Variants in DCHS2 observed in about 807,000 individuals in gnomAD.
DCHS2 encodes protocadherin-23.
DCHS2 carries 142 observed loss-of-function variants against 182.4 expected under a neutral mutation model. The ratio of observed to expected loss-of-function variants is 0.78; its 90% CI spans 0.68 to 0.89. DCHS2 has a LOEUF of 0.89. Ranked by LOEUF, DCHS2 falls within the 40% of genes least tolerant of loss-of-function variation. The probability of loss-of-function intolerance (pLI) is 0.00; values close to 1 mark genes in which losing one functional copy is unlikely to be tolerated. For missense variants in DCHS2, 4,319 were observed against 4,198.6 expected, an observed-to-expected ratio of 1.03 and a Z score of -0.79; for synonymous variants, 1,740 against 1,663.3, an observed-to-expected ratio of 1.05 and a Z score of -1.12.
At chr4:154,241,738 A>G (rs1731836334) in intron 17 of DCHS2, among the ~76,000 whole-genome samples, 1 of 152,194 alleles carries the variant, frequency 6.6e-6, no homozygotes, top group African/African-American at 2.4e-5. Flanking sequence ...TTTAACACTA[A>G]TTGCATGTGC....
In DCHS2 at chr4:154,290,835, C is replaced by T. The variant is rs116432941; in HGVS notation, c.6463+7016G>A. On this transcript the variant is annotated intron_variant, in intron 13 of 19. Coordinates refer to ENST00000357232, the MANE Select transcript of DCHS2 (RefSeq NM_001358235.2). ...CTTAAGACCTCAAACTATAAAACTGCTAAAAGAAAACATTGGGGAAACGCT... is the reference window on the plus strand; with the variant it reads ...CTTAAGACCTCAAACTATAAAACTGTTAAAAGAAAACATTGGGGAAACGCT... 2.7e-3 allele frequency among the ~76,000 whole-genome samples: 409 copies of T among 152,114 alleles called. 2 individuals are homozygous for T. Among genetic ancestry groups the T allele is most frequent in the African/African-American group, 9.3e-3 (387 of 41,532 alleles).
At chr4:154,240,463 C>T (rs867070403) in intron 18 of DCHS2, 74 bp downstream of exon 18, 49 of 1,523,658 alleles carry the variant, frequency 3.2e-5, no homozygotes, top group Non-Finnish European at 3.9e-5. Context: ...AGTCTATCGG[C>T]GATGGAAGAC....
At chr4:154,255,776 A>AT in intron 15 of DCHS2, 106 bp from the exon 16 acceptor site, 1 of 1,403,104 alleles carries the variant, frequency 7.1e-7, no homozygotes, top group Non-Finnish European at 9.3e-7. Context: ...TGTCAAACAT[A>AT]TTTTAAAAAC....
At chr4:154,339,168 G>A (rs1728947629) in intron 3 of DCHS2, among the ~76,000 whole-genome samples, 1 of 151,032 alleles carries the variant, frequency 6.6e-6, no homozygotes, top group Non-Finnish European at 1.5e-5. Flanking sequence ...AGGGTCTGAT[G>A]GCCTGAGAGC....
At chr4:154,385,836 C>T (rs1391572115) in intron 1 of DCHS2, among the ~76,000 whole-genome samples, 1 of 152,032 alleles carries the variant, frequency 6.6e-6, no homozygotes, top group Non-Finnish European at 1.5e-5. Context: ...TAATTTGTTA[C>T]TGCAGCCCTA....
At chr4:154,301,396 A>G (rs1033148515) in intron 12 of DCHS2, among the ~76,000 whole-genome samples, 1 of 152,244 alleles carries the variant, frequency 6.6e-6, no homozygotes, top group African/African-American at 2.4e-5. Context: ...TCCATTTTTA[A>G]AAAGGTGAGC....
chr4:154,373,301 A>G (rs1225037726), intron 2 of DCHS2, among the ~76,000 whole-genome samples: 1 of 152,330 alleles, frequency 6.6e-6, no homozygotes, highest in East Asian at 1.9e-4. Context: ...AATATTGCAA[A>G]GAATAATTAT....
intron 1 of DCHS2, among the ~76,000 whole-genome samples, chr4:154,481,708 A>C (rs1012698609): frequency 6.6e-6 from 1 of 152,244 alleles, no homozygotes; most frequent in African/African-American, 2.4e-5. Flanking sequence ...TCGCCACAAT[A>C]ACCCTACCAG....
intron 1 of DCHS2, among the ~76,000 whole-genome samples, chr4:154,381,984 C>T (rs1365061955): frequency 1.3e-5 from 2 of 152,058 alleles, no homozygotes; most frequent in Non-Finnish European, 2.9e-5. Flanking sequence ...CAAAGTAATC[C>T]TAAGCAAAAA....
At chr4:154,484,515 A>G (rs1046061027) in intron 1 of DCHS2, among the ~76,000 whole-genome samples, 1 of 152,182 alleles carries the variant, frequency 6.6e-6, no homozygotes, top group Non-Finnish European at 1.5e-5. Flanking sequence ...GATTATTCCA[A>G]TTCCTCCTAT....
intron 1 of DCHS2, among the ~76,000 whole-genome samples, chr4:154,399,486 G>C (rs1250078600): frequency 6.6e-6 from 1 of 152,186 alleles, no homozygotes; most frequent in Non-Finnish European, 1.5e-5. Flanking sequence ...TGGTGATTCA[G>C]AACTACAGAA....
At chr4:154,302,911 CAT>C (rs1406285701) in intron 12 of DCHS2, among the ~76,000 whole-genome samples, 3 of 144,872 alleles carry the variant, frequency 2.1e-5, no homozygotes, top group Admixed American at 7.0e-5. Flanking sequence ...TATATACACA[CAT>C]ATATATGAAA....
intron 3 of DCHS2, among the ~76,000 whole-genome samples, chr4:154,343,027 C>G (rs974683174): frequency 1.2e-4 from 19 of 152,106 alleles, no homozygotes; most frequent in African/African-American, 4.3e-4. Flanking sequence ...AAGAAAAAAC[C>G]TCCTTGTATA....
intron 3 of DCHS2, among the ~76,000 whole-genome samples, chr4:154,360,599 C>T (rs780087436): frequency 2.6e-4 from 40 of 152,026 alleles, no homozygotes; most frequent in African/African-American, 9.4e-4. Context: ...GAATGTTCAA[C>T]GTTAAATGTA....
chr4:154,370,539 G>T (rs1238476258), intron 2 of DCHS2, among the ~76,000 whole-genome samples: 1 of 152,078 alleles, frequency 6.6e-6, no homozygotes, highest in Non-Finnish European at 1.5e-5. Context: ...AATTAATGAT[G>T]CAGGAAAAAA....
rs755879179 is a variant in DCHS2, at chr4:154,234,859, G to A, written c.9793C>T (p.Pro3265Ser). ...AKLKDEHLHM[P>S]GIPKEKKSFV... ...GATTTCTTCTCTTTTGGAATGCCAG[G>A]CATATGCAAATGTTCATCCTTTAGT... Residue 3265 changes from proline (P) to serine (S), a missense_variant, in exon 20 of 20, where the codon CCT becomes TCT. Pro to Ser is a moderately conservative substitution (Grantham distance 74). Coordinates refer to ENST00000357232, the MANE Select transcript of DCHS2 (RefSeq NM_001358235.2). 45 of 1,613,960 alleles carry A rather than the reference G, an allele frequency of 2.8e-5. No individual in the cohort carries two copies. The highest frequency in any genetic ancestry group is 3.6e-5 in the Non-Finnish European group (42 of 1,179,976).
intron 10 of DCHS2, among the ~76,000 whole-genome samples, chr4:154,310,821 C>G (rs905998842): frequency 2.0e-5 from 3 of 152,128 alleles, no homozygotes; most frequent in Non-Finnish European, 2.9e-5. Context: ...ATCTGATGAG[C>G]AGAAAGTAGC....
chr4:154,473,979 C>A (rs1735583923), intron 1 of DCHS2, among the ~76,000 whole-genome samples: 1 of 152,158 alleles, frequency 6.6e-6, no homozygotes, highest in Non-Finnish European at 1.5e-5. Context: ...GGACAGAAAT[C>A]TTAAATCTGA....
chr4:154,476,267 T>A (rs573382339), intron 1 of DCHS2, among the ~76,000 whole-genome samples: 1 of 152,308 alleles, frequency 6.6e-6, no homozygotes, highest in South Asian at 2.1e-4. Flanking sequence ...ATTATTAACT[T>A]GAGACATTTA....
Sources: allele counts gnomAD v4.1 joint callset (sites outside exome capture counted in the v4.1 genomes callset), GRCh38; gene constraint gnomAD v4.1.1; transcripts MANE v1.5; gene names NCBI Gene and HGNC (gene_info 2026-07-23, HGNC 2026-07-21).